PLCH1: variants seen among roughly 807,000 people sequenced by gnomAD.
The protein encoded by PLCH1 is phospholipase C eta 1, also known as 1-phosphatidylinositol 4,5-bisphosphate phosphodiesterase eta-1.
Under a neutral mutation model 126.7 loss-of-function variants are expected in PLCH1, and 60 were observed. The ratio of observed to expected loss-of-function variants is 0.47; its 90% CI spans 0.38 to 0.59. The LOEUF (loss-of-function observed/expected upper bound fraction) is 0.59. Among genes scored for constraint, PLCH1 ranks in the 20% least tolerant of loss-of-function variants. The pLI, the probability that PLCH1 is intolerant of heterozygous loss-of-function variation, is 0.00. For synonymous variants in PLCH1, 719 were observed against 734.9 expected (o/e 0.98, Z 0.35); for missense variants, 1,723 against 2,040.0 (o/e 0.84, Z 2.99).
Position 155,722,223 on chromosome 3 carries a change from ACG to A in PLCH1, c.-40-17961_-40-17960del, listed in dbSNP as rs1237067577. Among the ~76,000 whole-genome samples the A allele has an allele frequency of 7.9e-5, 12 of 151,500 alleles. No homozygotes were observed. In the East Asian group the frequency reaches 1.2e-3, roughly 15 times the overall value. On this transcript the variant is annotated intron_variant, in intron 1 of 22. Transcript: ENST00000460012. The stretch of plus-strand genomic sequence containing the variant: ...CTGTTGCCCAGGCTGGAGTGCAATG[ACG>A]TGATCTCGGCTCACCGCAACCTCTG...
At chr3:155,619,011 A>AT (rs894533035) in intron 2 of PLCH1, among the ~76,000 whole-genome samples, 1 of 152,062 alleles carries the variant, frequency 6.6e-6, no homozygotes. Flanking sequence ...CAGTCAGGGA[A>AT]TTTTTTCACT....
intron 2 of PLCH1, among the ~76,000 whole-genome samples, chr3:155,648,512 G>A (rs994193070): frequency 6.6e-6 from 1 of 152,144 alleles, no homozygotes; most frequent in Admixed American, 6.5e-5. Flanking sequence ...GAGAAAGGCC[G>A]GGTCACATTT....
intron 10 of PLCH1, among the ~76,000 whole-genome samples, chr3:155,526,763 T>C (rs1011958275): frequency 1.3e-5 from 2 of 152,180 alleles, no homozygotes; most frequent in African/African-American, 4.8e-5. Flanking sequence ...ACACCCAGGT[T>C]CCTGACCTAC....
intron 2 of PLCH1, among the ~76,000 whole-genome samples, chr3:155,674,431 C>G (rs533349876): frequency 6.6e-5 from 10 of 152,178 alleles, no homozygotes; most frequent in Non-Finnish European, 1.3e-4. Flanking sequence ...ATTTCAGAAT[C>G]TATCAATTTC....
chr3:155,504,960 G>C (rs1168175492), intron 12 of PLCH1, among the ~76,000 whole-genome samples: 2 of 152,184 alleles, frequency 1.3e-5, no homozygotes, highest in African/African-American at 2.4e-5. Flanking sequence ...CCACAGCACA[G>C]GATGTGTTCT....
chr3:155,565,454 G>C (rs777115370), intron 7 of PLCH1, among the ~76,000 whole-genome samples: 10 of 151,902 alleles, frequency 6.6e-5, no homozygotes, highest in Non-Finnish European at 1.0e-4. Flanking sequence ...TTGTTTAAAA[G>C]TATATGGCTC....
chr3:155,663,859 G>A (rs568893938), intron 2 of PLCH1, among the ~76,000 whole-genome samples: 1 of 152,152 alleles, frequency 6.6e-6, no homozygotes, highest in South Asian at 2.1e-4. Context: ...TTACTATCAA[G>A]TTTGCACCAC....
rs148894152 is a variant in PLCH1 at position 155,662,907 on chromosome 3, G to A, written c.79+41239C>T. The stretch of plus-strand genomic sequence containing the variant: ...TTGAACTCCTGACCTCAGGTAATCC[G>A]CCCACCTTGGCCTCCCAAAATTCTG... On this transcript the variant is annotated intron_variant, in intron 2 of 22. Coordinates refer to ENST00000460012, the MANE Select transcript of PLCH1 (RefSeq NM_014996.4). Among the ~76,000 whole-genome samples the A allele has an allele frequency of 8.6e-3, 1,312 of 152,142 alleles. 18 individuals are homozygous for A. Among genetic ancestry groups the A allele is most frequent in the African/African-American group, 0.03 (1,254 of 41,492 alleles).
At chr3:155,666,751 A>G (rs1742763899) in intron 2 of PLCH1, among the ~76,000 whole-genome samples, 1 of 152,192 alleles carries the variant, frequency 6.6e-6, no homozygotes, top group Non-Finnish European at 1.5e-5. Context: ...CCTTTATCAT[A>G]TGCTTGACTT....
At chr3:155,674,945 C>G (rs577472237) in intron 2 of PLCH1, among the ~76,000 whole-genome samples, 1 of 152,236 alleles carries the variant, frequency 6.6e-6, no homozygotes, top group South Asian at 2.1e-4. Flanking sequence ...ATAAGAGTTT[C>G]CAAACATATT....
intron 17 of PLCH1, 34 bp from the exon 18 acceptor site, chr3:155,492,887 G>T: frequency 6.5e-7 from 1 of 1,539,496 alleles, no homozygotes; most frequent in South Asian, 1.3e-5. Context: ...GGTAACATAA[G>T]AAGAAACACA....
intron 2 of PLCH1, among the ~76,000 whole-genome samples, chr3:155,619,391 C>T (rs1044867159): frequency 5.3e-5 from 8 of 151,346 alleles, no homozygotes; most frequent in Middle Eastern, 3.2e-3. Flanking sequence ...CTATTCCATA[C>T]TCCAACAAAT....
intron 8 of PLCH1, among the ~76,000 whole-genome samples, chr3:155,564,121 T>C (rs1268018184): frequency 6.6e-6 from 1 of 151,356 alleles, no homozygotes; most frequent in Non-Finnish European, 1.5e-5. Flanking sequence ...TTTATATTAT[T>C]TTATAAAAAA....
intron 9 of PLCH1, among the ~76,000 whole-genome samples, chr3:155,553,704 C>T (rs920731289): frequency 6.6e-6 from 1 of 152,074 alleles, no homozygotes; most frequent in African/African-American, 2.4e-5. Context: ...CTCCAGACAC[C>T]TCAGTGTATA....
chr3:155,601,263 C>T (rs980778005), intron 2 of PLCH1, among the ~76,000 whole-genome samples: 16 of 152,148 alleles, frequency 1.1e-4, no homozygotes, highest in African/African-American at 3.9e-4. Flanking sequence ...AGGCGTGAGC[C>T]ACCGCACCTG....
intron 8 of PLCH1, among the ~76,000 whole-genome samples, chr3:155,562,320 A>T (rs1023701548): frequency 6.6e-6 from 1 of 152,110 alleles, no homozygotes; most frequent in South Asian, 2.1e-4. Flanking sequence ...TCATTTTCTT[A>T]AAGTGTGATG....
chr3:155,707,933 G>A (rs564389713), intron 1 of PLCH1, among the ~76,000 whole-genome samples: 2 of 152,166 alleles, frequency 1.3e-5, no homozygotes, highest in East Asian at 3.9e-4. Flanking sequence ...TTTCTTTAAG[G>A]GCTGGGTAAC....
chr3:155,460,763 TGATA>T (rs528694145), intron 21 of PLCH1, among the ~76,000 whole-genome samples: 23 of 151,128 alleles, frequency 1.5e-4, no homozygotes, highest in Admixed American at 7.3e-4. Context: ...AGATGATAGA[TGATA>T]GATAGATAGA....
At chr3:155,470,799 A>G (rs1235892625) in intron 21 of PLCH1, among the ~76,000 whole-genome samples, 1 of 152,152 alleles carries the variant, frequency 6.6e-6, no homozygotes, top group East Asian at 1.9e-4. Flanking sequence ...AGAATTTTCA[A>G]CCCAGAATTT....
Sources: allele counts gnomAD v4.1 joint callset (sites outside exome capture counted in the v4.1 genomes callset), GRCh38; gene constraint gnomAD v4.1.1; transcripts MANE v1.5; gene names NCBI Gene and HGNC (gene_info 2026-07-23, HGNC 2026-07-21).